PAQR3: variants seen among roughly 807,000 people sequenced by gnomAD.
The protein encoded by PAQR3 is Raf kinase trapping to Golgi.
A neutral mutation model predicts 41.7 loss-of-function variants in PAQR3; 39 were observed. The observed-to-expected ratio is 0.93, with a 90% CI of 0.72 to 1.22. The LOEUF (loss-of-function observed/expected upper bound fraction) is 1.22, where lower values mean the gene tolerates loss of function less well. Among genes scored for constraint, PAQR3 ranks in the 50% most tolerant of loss-of-function variants. The probability of loss-of-function intolerance (pLI) is 0.00; values close to 1 mark genes in which losing one functional copy is unlikely to be tolerated. For synonymous variants in PAQR3, 140 were observed against 140.6 expected, an observed-to-expected ratio of 1.00 and a Z score of 0.03; for missense variants, 366 against 385.6, an observed-to-expected ratio of 0.95 and a Z score of 0.42.
chr4:78,910,489 T>C (rs1734530415), downstream of PAQR3: 6 of 821,334 alleles, frequency 7.3e-6, no homozygotes, highest in Non-Finnish European at 9.2e-6. Flanking sequence ...ACATTATTTT[T>C]TCCTCTAAGG....
chr4:78,921,168 T>G (rs1381067309), intron 5 of PAQR3, among the ~76,000 whole-genome samples: 1 of 151,960 alleles, frequency 6.6e-6, no homozygotes, highest in Non-Finnish European at 1.5e-5. Context: ...AATTCTGTGC[T>G]CTCTAACTAA....
chr4:78,924,329 C>T (rs1293463864), intron 4 of PAQR3, among the ~76,000 whole-genome samples: 1 of 152,112 alleles, frequency 6.6e-6, no homozygotes. Flanking sequence ...GAAATCTGTT[C>T]CAATATCCCA....
intron 12 of PAQR3, among the ~76,000 whole-genome samples, chr4:78,887,748 T>C (rs1297455253): frequency 6.6e-6 from 1 of 152,208 alleles, no homozygotes; most frequent in Non-Finnish European, 1.5e-5. Context: ...TGTTTTTCAC[T>C]GTTAAAAATT....
intron 4 of PAQR3, among the ~76,000 whole-genome samples, chr4:78,925,360 T>TCATTTC (rs565118218): frequency 6.6e-6 from 1 of 152,024 alleles, no homozygotes; most frequent in Non-Finnish European, 1.5e-5. Context: ...CATTTCATTT[T>TCATTTC]CTTATTATAA....
At position 78,923,925 on chromosome 4, in the gene PAQR3, A is replaced by C; in HGVS notation, c.725T>G (p.Val242Gly). The C allele has an allele frequency of 6.2e-7, 1 of 1,613,266 alleles. No individual in the cohort carries two copies. Among genetic ancestry groups the C allele is most frequent in the Non-Finnish European group, 8.5e-7 (1 of 1,179,362 alleles). The change falls in exon 5 of 6, where the codon GTG (valine) becomes GGG (glycine). Residue 242 changes from valine (V) to glycine (G), a missense_variant. By Grantham distance (109) the Val-to-Gly change is moderately radical. Coordinates refer to ENST00000512733, the MANE Select transcript of PAQR3 (RefSeq NM_001040202.2). ...AGCAAGAAGAGCAATCATATACATC[A>C]CAATTACACGGGGTGCAAAGTCCTG... ...IVQDFAPRVI[V>G]MYMIALLAFL...
chr4:78,896,489 T>G (rs1337021882), intron 11 of PAQR3, among the ~76,000 whole-genome samples: 2 of 152,140 alleles, frequency 1.3e-5, no homozygotes, highest in Non-Finnish European at 2.9e-5. Context: ...GGGGTAATAG[T>G]CCATAACATG....
At chr4:78,922,053 T>G in intron 5 of PAQR3, 4 of 1,019,218 alleles carry the variant, frequency 3.9e-6, no homozygotes, top group Non-Finnish European at 4.7e-6. Flanking sequence ...AGAATTTTCA[T>G]GGTTTAGTGT....
rs1735143253 is a variant in PAQR3, at chr4:78,916,984, G to C, written c.*3555C>G. The C allele has an allele frequency of 6.6e-6, 1 of 151,436 alleles. No individual in the cohort carries two copies. Among genetic ancestry groups the C allele is most frequent in the Admixed American group, 6.6e-5 (1 of 15,172 alleles). 9.4% of individuals were successfully genotyped at this position (151,436 alleles called of 1,614,324 possible). The stretch of plus-strand genomic sequence containing the variant: ...TTGTAACATTTATCTAAAGTTATGT[G>C]AAAAAAAGGGGCTTTGTATCTTTTT... On this transcript the variant is annotated 3_prime_UTR_variant, in exon 6 of 6. Coordinates refer to ENST00000512733, the MANE Select transcript of PAQR3 (RefSeq NM_001040202.2).
Position 78,922,026 on chromosome 4 carries a change from T to C in PAQR3, c.794-1345A>G. 3 of 1,012,978 alleles carry C rather than the reference T, an allele frequency of 3.0e-6. No individual in the cohort carries two copies. In the South Asian group the frequency reaches 1.2e-4, roughly 41 times the overall value. 62.7% of individuals were successfully genotyped at this position (1,012,978 alleles called of 1,614,324 possible). A position where few individuals can be genotyped will look rare whatever the true frequency, so the allele number is the denominator to read the frequency against. On this transcript the variant is annotated intron_variant, in intron 5 of 5. Coordinates refer to ENST00000512733, the MANE Select transcript of PAQR3 (RefSeq NM_001040202.2). Reference sequence around the variant, plus strand: ...ATATTTTAAGGCCTAAAACCCACTATGGTCATAATCACATAGAGAATTTTC... The same window carrying C: ...ATATTTTAAGGCCTAAAACCCACTACGGTCATAATCACATAGAGAATTTTC...
At chr4:78,928,499 T>G (rs62308006) in intron 3 of PAQR3, among the ~76,000 whole-genome samples, 8,800 of 152,330 alleles carry the variant, frequency 0.058, 362 homozygotes, top group East Asian at 0.22. Context: ...GATTTTTCTC[T>G]TCACTAATTT....
chr4:78,914,346 GCA>G lies in PAQR3; in HGVS notation c.*6191_*6192del, dbSNP rs926591796. 6 of 152,000 alleles carry G rather than the reference GCA, an allele frequency of 3.9e-5. No individual in the cohort carries two copies. The highest frequency in any genetic ancestry group is 1.4e-4 in the African/African-American group (6 of 41,408). 9.4% of individuals were successfully genotyped at this position (152,000 alleles called of 1,614,324 possible). ...AAAATATTTACATTCTTATAACACA[GCA>G]CAGTGACTTTCTTCTTTCAAGATTG... is the stretch of plus-strand genomic sequence containing the variant. On this transcript the variant is annotated 3_prime_UTR_variant, in exon 6 of 6. Transcript: ENST00000512733.
At chr4:78,889,736 G>A (rs956043275) in intron 11 of PAQR3, among the ~76,000 whole-genome samples, 3 of 152,202 alleles carry the variant, frequency 2.0e-5, no homozygotes, top group Non-Finnish European at 2.9e-5. Context: ...ACTCCCAGGT[G>A]TATGTGTGTA....
chr4:78,903,106 T>G (rs1307249535), intron 11 of PAQR3, among the ~76,000 whole-genome samples: 1 of 152,066 alleles, frequency 6.6e-6, no homozygotes, highest in Non-Finnish European at 1.5e-5. Context: ...TATTGTATTG[T>G]ATTGTATGCC....
rs533782644 is a variant in PAQR3 at position 78,922,759 on chromosome 4, TG to T, written c.793+1097del. On this transcript the variant is annotated intron_variant, in intron 5 of 5. Coordinates refer to ENST00000512733, the MANE Select transcript of PAQR3 (RefSeq NM_001040202.2). The stretch of plus-strand genomic sequence containing the variant: ...TCTCATCTAATCCTTACCCTAACCC[TG>T]GGGGGAAAAAAAAGTATTTCCATGT... 3.3e-3 allele frequency: 1,213 copies of T among 371,524 alleles called. 12 individuals carry two copies. The highest frequency in any genetic ancestry group is 0.011 in the South Asian group (555 of 48,310). The allele number at this position is 371,524 out of a possible 1,614,324, so 23.0% of individuals were successfully genotyped here.
rs1173924113 is a variant in PAQR3 at position 78,930,393 on chromosome 4, G to C, written c.349-68C>G. On this transcript the variant is annotated intron_variant, in intron 2 of 5. Transcript: ENST00000512733. The stretch of plus-strand genomic sequence containing the variant: ...TAAAGCAACTTATGCATGATATTCA[G>C]GGAAGTAGTTAAGAGGCTAGGCTTT... 3 of 1,489,408 alleles carry C rather than the reference G, an allele frequency of 2.0e-6. No individual in the cohort carries two copies. In the African/African-American group the frequency reaches 4.2e-5, roughly 21 times the overall value. 92.3% of individuals were successfully genotyped at this position (1,489,408 alleles called of 1,614,324 possible). A position where few individuals can be genotyped will look rare whatever the true frequency, so the allele number is the denominator to read the frequency against.
At chr4:78,922,197 G>C in intron 5 of PAQR3, 2 of 1,059,972 alleles carry the variant, frequency 1.9e-6, no homozygotes, top group South Asian at 3.1e-5. Context: ...CTTCAATTCA[G>C]TGGCATGTCC....
intron 11 of PAQR3, among the ~76,000 whole-genome samples, chr4:78,890,404 GCACACACA>G (rs149825379): frequency 6.8e-6 from 1 of 147,968 alleles, no homozygotes; most frequent in African/African-American, 2.5e-5. Context: ...ACAATCATGC[GCACACACA>G]CACACACACA....
At chr4:78,930,372 G>C (rs2306443) in intron 2 of PAQR3, 47 bp from the exon 3 acceptor site, 83,807 of 1,546,968 alleles carry the variant, frequency 0.054, 3,499 homozygotes, top group East Asian at 0.24. Context: ...AGAAACTAAA[G>C]CAACTTATGC....
At chr4:78,939,008 G>C in intron 1 of PAQR3, 32 bp downstream of exon 1, 1 of 1,545,676 alleles carries the variant, frequency 6.5e-7, no homozygotes, top group Non-Finnish European at 8.8e-7. Context: ...TGAGAGAAGG[G>C]GGCACTCCAG....
Sources: allele counts gnomAD v4.1 joint callset (sites outside exome capture counted in the v4.1 genomes callset), GRCh38; gene constraint gnomAD v4.1.1; transcripts MANE v1.5; gene names NCBI Gene and HGNC (gene_info 2026-07-23, HGNC 2026-07-21).